The following ETV4 variants were observed in gnomAD, a reference collection of about 807,000 sequenced individuals.
ETV4 encodes ETS translocation variant 4.
A neutral mutation model predicts 65.9 loss-of-function variants in ETV4; 42 were observed. The ratio of observed to expected loss-of-function variants is 0.64; its 90% CI spans 0.50 to 0.82. ETV4 has a LOEUF of 0.82. Among genes scored for constraint, ETV4 ranks in the 40% least tolerant of loss-of-function variants. The pLI, the probability that ETV4 is intolerant of heterozygous loss-of-function variation, is 0.00. For missense variants in ETV4, 583 were observed against 630.3 expected (o/e 0.92, Z 0.80); for synonymous variants, 238 against 260.0 (o/e 0.92, Z 0.81).
chr17:43,533,680 G>T (rs955457111), intron 6 of ETV4, among the ~76,000 whole-genome samples, 179 bp downstream of exon 6: 4 of 152,106 alleles, frequency 2.6e-5, no homozygotes, highest in Admixed American at 2.6e-4. Flanking sequence ...GAGGCCCTCT[G>T]CTGCGTTTTC....
At chr17:43,544,501 C>G (rs938985656) in intron 4 of ETV4, 19 of 157,676 alleles carry the variant, frequency 1.2e-4, no homozygotes, top group African/African-American at 4.1e-4. Context: ...TTGTTTGGTG[C>G]TGGGGGTTGG....
rs566318920 is a variant in ETV4, at chr17:43,533,335, G to A, written c.397C>T (p.Pro133Ser). ...QCLYSSAYDPPRQIAIKSPAP... is the reference protein window; with the variant it reads ...QCLYSSAYDPSRQIAIKSPAP... Reference sequence around the variant, plus strand: ...GGGGACTTGATGGCGATTTGTCTGGGGGGGTCATAGGCACTGGAGTTGAGA... The same window carrying A: ...GGGGACTTGATGGCGATTTGTCTGGAGGGGTCATAGGCACTGGAGTTGAGA... Residue 133 changes from proline to serine, a missense_variant, in exon 7 of 13, where the codon CCC becomes TCC. Transcript: ENST00000319349. 1 of 1,613,496 alleles carries A rather than the reference G, an allele frequency of 6.2e-7. No individual in the cohort carries two copies. Among genetic ancestry groups the A allele is most frequent in the Admixed American group, 1.7e-5 (1 of 60,002 alleles).
chr17:43,534,899 C>A (rs1159378830), intron 5 of ETV4, among the ~76,000 whole-genome samples: 1 of 152,212 alleles, frequency 6.6e-6, no homozygotes, highest in African/African-American at 2.4e-5. Flanking sequence ...CGAGATCACA[C>A]CATTGCACTC....
rs1269814094 is a variant in ETV4, at chr17:43,545,645, G to T, written c.-28C>A. ...GGCCGCTCCCTCCGGCCGCACGGCCGGGGCCCCAAGCGGGGGCCGAGACCT... is the reference window on the plus strand; with the variant it reads ...GGCCGCTCCCTCCGGCCGCACGGCCTGGGCCCCAAGCGGGGGCCGAGACCT... On this transcript the variant is annotated 5_prime_UTR_variant, in exon 2 of 13. Coordinates refer to ENST00000319349, the MANE Select transcript of ETV4 (RefSeq NM_001079675.5). 1 of 1,549,172 alleles carries T rather than the reference G, an allele frequency of 6.5e-7. No homozygotes were observed. The highest frequency in any genetic ancestry group is 1.4e-5 in the African/African-American group (1 of 72,962).
At chr17:43,533,766 C>G in intron 6 of ETV4, 93 bp downstream of exon 6, 2 of 1,485,482 alleles carry the variant, frequency 1.3e-6, no homozygotes, top group Non-Finnish European at 1.8e-6. Context: ...GTCTAACTTG[C>G]ATCTCAGCTG....
At chr17:43,535,309 G>A (rs58015632) in intron 5 of ETV4, among the ~76,000 whole-genome samples, 34,382 of 151,776 alleles carry the variant, frequency 0.23, 4,101 homozygotes, top group East Asian at 0.32. Flanking sequence ...ATGGAGCCTC[G>A]CTCTGTCACC....
intron 4 of ETV4, among the ~76,000 whole-genome samples, chr17:43,543,595 C>T (rs1243117974): frequency 1.3e-5 from 2 of 152,124 alleles, no homozygotes; most frequent in Non-Finnish European, 2.9e-5. Context: ...TGAGAGCCCA[C>T]GGAAACTGAC....
At position 43,533,321 on chromosome 17, in the gene ETV4, G is replaced by A; in HGVS notation, c.411C>T (p.Ala137=). ...SSAYDPPRQI[A]IKSPAPGALG... is the part of the protein sequence containing the mutation. ...GGGCACCAGGGGCAGGGGACTTGAT[G>A]GCGATTTGTCTGGGGGGGTCATAGG... Residue 137 remains alanine (A), a synonymous_variant, in exon 7 of 13, where the codon GCC becomes GCT. Transcript: ENST00000319349. 6.2e-7 allele frequency: 1 copy of A among 1,613,812 alleles called. No individual in the cohort carries two copies. The highest frequency in any genetic ancestry group is 8.5e-7 in the Non-Finnish European group (1 of 1,179,812).
Position 43,533,936 on chromosome 17 carries a change from G to A in ETV4, c.306C>T (p.Pro102=). ...TGCAGGACAGGGCCGGGTCTGTGCG[G>A]GGACTCTGGGGCTCCTTCTTGATCC... ...TTRIKKEPQS[P]RTDPALSCSR... Residue 102 remains proline (P), a synonymous_variant, in exon 6 of 13, where the codon CCC becomes CCT. Coordinates refer to ENST00000319349, the MANE Select transcript of ETV4 (RefSeq NM_001079675.5). 6.4e-7 allele frequency: 1 copy of A among 1,560,734 alleles called. No individual in the cohort carries two copies. The highest frequency in any genetic ancestry group is 1.2e-5 in the South Asian group (1 of 80,690).
chr17:43,536,253 C>CA (rs1971238965), intron 5 of ETV4, 173 bp downstream of exon 5: 1 of 676,816 alleles, frequency 1.5e-6, no homozygotes, highest in Non-Finnish European at 2.7e-6. Flanking sequence ...AAGAACATGT[C>CA]AAGCCCCAGA....
Position 43,533,366 on chromosome 17 carries a change from A to C in ETV4, c.384-18T>G, listed in dbSNP as rs1971063056. 6.2e-7 allele frequency: 1 copy of C among 1,605,584 alleles called. No homozygotes were observed. Among genetic ancestry groups the C allele is most frequent in the African/African-American group, 1.3e-5 (1 of 74,812 alleles). On this transcript the variant is annotated intron_variant, in intron 6 of 12. Coordinates refer to ENST00000319349, the MANE Select transcript of ETV4 (RefSeq NM_001079675.5). ...CATAGGCACTGGAGTTGAGAAGGAG[A>C]CAGGGGTGAGGGGGCAGAGAAGCTG...
intron 4 of ETV4, among the ~76,000 whole-genome samples, chr17:43,543,648 A>G (rs547596514): frequency 6.6e-6 from 1 of 152,226 alleles, no homozygotes; most frequent in Admixed American, 6.5e-5. Context: ...AGAACCTCAG[A>G]AGAAGGATGG....
chr17:43,530,297 A>T, intron 8 of ETV4, 116 bp from the exon 9 acceptor site: 1 of 1,507,648 alleles, frequency 6.6e-7, no homozygotes, highest in Non-Finnish European at 8.9e-7. Flanking sequence ...CTTCCTGGTG[A>T]CTGTTCTTTG....
intron 5 of ETV4, among the ~76,000 whole-genome samples, chr17:43,535,484 C>T (rs1291374976): frequency 6.6e-6 from 1 of 152,056 alleles, no homozygotes; most frequent in Non-Finnish European, 1.5e-5. Context: ...ATCATGTTGG[C>T]CAGGTTGGTC....
At chr17:43,543,850 T>A (rs1971655162) in intron 4 of ETV4, 1 of 152,098 alleles carries the variant, frequency 6.6e-6, no homozygotes, top group Admixed American at 6.5e-5. Flanking sequence ...ACATATATAT[T>A]TTTAGAATAT....
At chr17:43,538,605 C>T (rs1017238836) in intron 4 of ETV4, among the ~76,000 whole-genome samples, 3 of 152,184 alleles carry the variant, frequency 2.0e-5, no homozygotes, top group African/African-American at 7.2e-5. Context: ...TCTGGCCTCC[C>T]CAGAGCGGGG....
In ETV4 at chr17:43,528,240, G is replaced by C; in HGVS notation, c.*279C>G. On this transcript the variant is annotated 3_prime_UTR_variant, in exon 13 of 13. Coordinates refer to ENST00000319349, the MANE Select transcript of ETV4 (RefSeq NM_001079675.5). ...TCTCTGTGGTTGGGGAAAAGGTGTG[G>C]GGGGCTTGGACCTAGGAAGAAGCTG... 5.5e-6 allele frequency: 2 copies of C among 366,064 alleles called. No individual in the cohort carries two copies. Among genetic ancestry groups the C allele is most frequent in the African/African-American group, 2.0e-5 (1 of 49,276 alleles). 22.7% of individuals were successfully genotyped at this position (366,064 alleles called of 1,614,324 possible).
intron 4 of ETV4, among the ~76,000 whole-genome samples, chr17:43,543,183 A>G (rs1370333466): frequency 8.0e-6 from 1 of 124,476 alleles, no homozygotes; most frequent in East Asian, 2.4e-4. Flanking sequence ...CCCAGCGCCC[A>G]CCCCCCTCAC....
rs1161741276 is a variant in ETV4 at position 43,529,618 on chromosome 17, C to A, written c.1014G>T (p.Arg338=). 1.1e-5 allele frequency: 18 copies of A among 1,613,998 alleles called. No individual in the cohort carries two copies. The highest frequency in any genetic ancestry group is 1.4e-5 in the Non-Finnish European group (17 of 1,180,038). The change falls in exon 11 of 13, where the codon CGG becomes CGT. Residue 338 remains arginine, a synonymous_variant. Coordinates refer to ENST00000319349, the MANE Select transcript of ETV4 (RefSeq NM_001079675.5). The part of the protein sequence containing the change: ...AFREGPPYQR[R]GALQLWQFLV... ...GAAATTGCCACAGCTGCAGGGCACCCCGGCGCTGGTAGGGCGGCCCCTCTC... is the reference window on the plus strand; with the variant it reads ...GAAATTGCCACAGCTGCAGGGCACCACGGCGCTGGTAGGGCGGCCCCTCTC...
Sources: gnomAD v4.1 joint callset for allele counts (sites outside exome capture counted in the v4.1 genomes callset) on GRCh38, gnomAD v4.1.1 for gene constraint, MANE v1.5 for transcripts, NCBI Gene and HGNC (gene_info 2026-07-23, HGNC 2026-07-21) for gene names.